Variants in ROBO2 observed in about 807,000 individuals in gnomAD.
ROBO2 encodes roundabout homolog 2.
In ROBO2, 53 loss-of-function variants were observed where a neutral mutation model predicts 160.8. The observed-to-expected ratio is 0.33, with a 90% CI of 0.26 to 0.41. The LOEUF is 0.41. Ranked by LOEUF, ROBO2 falls within the 10% of genes least tolerant of loss-of-function variation. ROBO2 has a pLI of 1.00. For missense variants in ROBO2, 1,577 were observed against 1,722.4 expected (o/e 0.92, Z 1.49); for synonymous variants, 664 against 611.7 (o/e 1.09, Z -1.26).
chr3:75,982,440 T>C (rs2065305950), intron 2 of ROBO2, among the ~76,000 whole-genome samples: 2 of 151,622 alleles, frequency 1.3e-5, no homozygotes. Flanking sequence ...CATTTGCTAC[T>C]GCCTGTCTTT....
At chr3:76,593,550 G>A (rs1371013674) in intron 2 of ROBO2, among the ~76,000 whole-genome samples, 1 of 152,058 alleles carries the variant, frequency 6.6e-6, no homozygotes, top group Non-Finnish European at 1.5e-5. Context: ...TATGGCAAGA[G>A]CTAATGATCA....
At chr3:76,450,653 A>T (rs2077427451) in intron 2 of ROBO2, among the ~76,000 whole-genome samples, 1 of 152,160 alleles carries the variant, frequency 6.6e-6, no homozygotes, top group African/African-American at 2.4e-5. Context: ...TGATGAAGTT[A>T]TGTGACTTTA....
intron 2 of ROBO2, among the ~76,000 whole-genome samples, chr3:77,102,849 CAAAA>C (rs35802711): frequency 4.6e-5 from 5 of 107,538 alleles, no homozygotes; most frequent in Non-Finnish European, 3.8e-5. Context: ...TCTTAGTTTG[CAAAA>C]AAAAAAAAAA....
chr3:77,177,292 G>A (rs891555973), intron 2 of ROBO2, among the ~76,000 whole-genome samples: 3 of 151,882 alleles, frequency 2.0e-5, no homozygotes, highest in African/African-American at 7.2e-5. Flanking sequence ...GGTTCTGAGA[G>A]CCTCTCTGCT....
At chr3:76,864,628 G>T (rs1004598689) in intron 2 of ROBO2, among the ~76,000 whole-genome samples, 1 of 151,940 alleles carries the variant, frequency 6.6e-6, no homozygotes, top group Non-Finnish European at 1.5e-5. Flanking sequence ...AAGGTCTTTA[G>T]GTATGAGCAT....
intron 2 of ROBO2, among the ~76,000 whole-genome samples, chr3:76,727,342 G>A (rs559815266): frequency 1.1e-3 from 160 of 152,234 alleles, no homozygotes; most frequent in African/African-American, 3.5e-3. Flanking sequence ...CAGAAGCATA[G>A]AAATGGAAAT....
At chr3:77,603,802 A>T (rs946031512) in intron 20 of ROBO2, 1 of 152,078 alleles carries the variant, frequency 6.6e-6, no homozygotes, top group Non-Finnish European at 1.5e-5. Flanking sequence ...TAGTAGACAC[A>T]CTCTAACTTT....
intron 2 of ROBO2, chr3:76,434,764 C>T (rs2076591878): frequency 1.6e-6 from 2 of 1,217,178 alleles, no homozygotes; most frequent in African/African-American, 1.5e-5. Flanking sequence ...GCTTCCTGCT[C>T]AGCCCTGTTT....
intron 2 of ROBO2, among the ~76,000 whole-genome samples, chr3:76,363,841 T>G (rs903392311): frequency 5.3e-5 from 8 of 152,040 alleles, no homozygotes; most frequent in Admixed American, 2.0e-4. Flanking sequence ...TTAAAATATT[T>G]TATCCAACAC....
At chr3:77,533,903 G>C (rs1039656740) in intron 6 of ROBO2, among the ~76,000 whole-genome samples, 1 of 149,596 alleles carries the variant, frequency 6.7e-6, no homozygotes, top group Admixed American at 6.7e-5. Flanking sequence ...TTTTCTTTCT[G>C]TCAATACTTC....
intron 2 of ROBO2, among the ~76,000 whole-genome samples, chr3:77,147,259 A>C (rs2077194437): frequency 6.6e-6 from 1 of 152,118 alleles, no homozygotes; most frequent in African/African-American, 2.4e-5. Flanking sequence ...TAGTTCCATG[A>C]CCTTCGGTGA....
chr3:77,556,900 C>T (rs934279485), intron 8 of ROBO2, among the ~76,000 whole-genome samples: 9 of 151,670 alleles, frequency 5.9e-5, no homozygotes, highest in Admixed American at 1.3e-4. Flanking sequence ...CTGTCTATGC[C>T]GAAGTTTATA....
In ROBO2 at chr3:76,752,126, G is replaced by A. The variant is rs575242134; in HGVS notation, c.110-345888G>A. Reference sequence around the variant, plus strand: ...ACTATGCAGCCATAAAAAAGGATGAGTTCATGTCTTTTGTAGGGATATGGA... The same window carrying A: ...ACTATGCAGCCATAAAAAAGGATGAATTCATGTCTTTTGTAGGGATATGGA... On this transcript the variant is annotated intron_variant, in intron 2 of 26. Coordinates refer to the ROBO2 transcript ENST00000487694. Among the ~76,000 whole-genome samples the A allele has an allele frequency of 2.0e-5, 3 of 152,246 alleles. No individual in the cohort carries two copies. In the South Asian group the frequency reaches 6.2e-4, roughly 32 times the overall value.
At chr3:76,993,399 T>C (rs2060801815) in intron 2 of ROBO2, among the ~76,000 whole-genome samples, 1 of 152,190 alleles carries the variant, frequency 6.6e-6, no homozygotes, top group South Asian at 2.1e-4. Context: ...CACATACAAA[T>C]TATTCAAAAT....
chr3:76,619,452 G>T lies in ROBO2; in HGVS notation c.110-478562G>T, dbSNP rs546056250. 3.9e-5 allele frequency among the ~76,000 whole-genome samples: 6 copies of T among 152,036 alleles called. No individual in the cohort carries two copies. The South Asian group carries it at 1.2e-3, about 32-fold the overall frequency. On this transcript the variant is annotated intron_variant, in intron 2 of 26. Transcript: ENST00000487694. ...TACGGTGAACTTTTAAAAAGATATC[G>T]AGTTTATGTTTCTTCTTCATTTTAT...
At chr3:76,597,971 T>C (rs2086852191) in intron 2 of ROBO2, among the ~76,000 whole-genome samples, 2 of 152,162 alleles carry the variant, frequency 1.3e-5, no homozygotes. Context: ...AACTTGCACA[T>C]GAGTATTTAC....
At chr3:76,390,148 A>G (rs1413872059) in intron 2 of ROBO2, among the ~76,000 whole-genome samples, 2 of 152,206 alleles carry the variant, frequency 1.3e-5, no homozygotes, top group African/African-American at 2.4e-5. Context: ...TATAACAGCT[A>G]ACCTCTGTTC....
intron 2 of ROBO2, among the ~76,000 whole-genome samples, chr3:76,758,004 C>T (rs546398667): frequency 2.6e-5 from 4 of 151,894 alleles, no homozygotes; most frequent in Admixed American, 1.3e-4. Context: ...CAGCATTTTG[C>T]ATAATGCATG....
intron 2 of ROBO2, among the ~76,000 whole-genome samples, chr3:77,230,048 G>T (rs2086973863): frequency 6.6e-6 from 1 of 152,046 alleles, no homozygotes; most frequent in Non-Finnish European, 1.5e-5. Context: ...GTATTGGGAA[G>T]TGTATCTTTT....
Sources: gnomAD v4.1 joint callset for allele counts (sites outside exome capture counted in the v4.1 genomes callset) on GRCh38, gnomAD v4.1.1 for gene constraint, MANE v1.5 for transcripts, NCBI Gene and HGNC (gene_info 2026-07-23, HGNC 2026-07-21) for gene names.